NRCAM: variants seen among roughly 807,000 people sequenced by gnomAD.
The protein encoded by NRCAM is NgCAM-related cell adhesion molecule.
NRCAM carries 83 observed loss-of-function variants against 156.5 expected under a neutral mutation model. The ratio of observed to expected loss-of-function variants is 0.53; its 90% CI spans 0.44 to 0.64. NRCAM has a LOEUF of 0.64. Among genes scored for constraint, NRCAM ranks in the 30% least tolerant of loss-of-function variants. The pLI is 0.00. For missense variants in NRCAM, 1,417 were observed against 1,597.3 expected (o/e 0.89, Z 1.92); for synonymous variants, 538 against 563.9 (o/e 0.95, Z 0.65).
At chr7:108,301,373 G>T (rs1800586875) in intron 3 of NRCAM, among the ~76,000 whole-genome samples, 2 of 152,212 alleles carry the variant, frequency 1.3e-5, no homozygotes, top group African/African-American at 4.8e-5. Context: ...GTATTAAGTG[G>T]TTTTCCAGAA....
intron 1 of NRCAM, among the ~76,000 whole-genome samples, chr7:108,400,077 C>T (rs1397597243): frequency 6.6e-6 from 1 of 152,034 alleles, no homozygotes; most frequent in Non-Finnish European, 1.5e-5. Context: ...CTCAGCAATG[C>T]AATTAGTATT....
At chr7:108,163,611 T>G (rs907894419) in intron 30 of NRCAM, among the ~76,000 whole-genome samples, 2 of 151,966 alleles carry the variant, frequency 1.3e-5, no homozygotes, top group African/African-American at 2.4e-5. Flanking sequence ...AAATCCTTTG[T>G]GATGATAAGA....
intron 13 of NRCAM, among the ~76,000 whole-genome samples, chr7:108,205,617 G>A (rs879357325): frequency 1.5e-4 from 23 of 152,076 alleles, no homozygotes; most frequent in African/African-American, 5.1e-4. Context: ...TAGATCTCAG[G>A]GACACTTTTA....
intron 11 of NRCAM, among the ~76,000 whole-genome samples, chr7:108,215,409 G>T (rs1239382869): frequency 1.3e-5 from 2 of 151,784 alleles, no homozygotes; most frequent in Non-Finnish European, 2.9e-5. Context: ...TACAGATGGG[G>T]TTTCACCATG....
intron 11 of NRCAM, among the ~76,000 whole-genome samples, chr7:108,220,761 G>T (rs2091952529): frequency 6.6e-6 from 1 of 152,046 alleles, no homozygotes; most frequent in South Asian, 2.1e-4. Flanking sequence ...AATATCATAG[G>T]AAAACCCCTT....
At chr7:108,232,804 T>C (rs1171314473) in intron 6 of NRCAM, among the ~76,000 whole-genome samples, 2 of 152,052 alleles carry the variant, frequency 1.3e-5, no homozygotes, top group South Asian at 2.1e-4. Flanking sequence ...TCTAAGAAAA[T>C]AGAGGGAGCA....
chr7:108,323,446 T>A (rs2099026156), intron 2 of NRCAM, among the ~76,000 whole-genome samples: 2 of 152,216 alleles, frequency 1.3e-5, no homozygotes, highest in Admixed American at 1.3e-4. Context: ...CCAGGAAACA[T>A]GCCTATAAGT....
chr7:108,226,530 TAAAAAA>T (rs3078782), intron 8 of NRCAM, 152 bp from the exon 9 acceptor site: 973 of 393,824 alleles, frequency 2.5e-3, no homozygotes, highest in South Asian at 0.01. Flanking sequence ...CAAATAACTG[TAAAAAA>T]AAAAAAAAAA....
At chr7:108,181,294 TA>T (rs1276007989) in intron 24 of NRCAM, among the ~76,000 whole-genome samples, 1 of 151,966 alleles carries the variant, frequency 6.6e-6, no homozygotes, top group Non-Finnish European at 1.5e-5. Flanking sequence ...TGCCTATCAG[TA>T]AAAAATATGA....
At chr7:108,186,431 A>G (rs1329704030) in intron 20 of NRCAM, among the ~76,000 whole-genome samples, 2 of 152,156 alleles carry the variant, frequency 1.3e-5, no homozygotes, top group Non-Finnish European at 2.9e-5. Context: ...AAAATCTGGA[A>G]TCCTTCTTAT....
chr7:108,290,869 C>T (rs2098268081), intron 3 of NRCAM, among the ~76,000 whole-genome samples: 1 of 152,144 alleles, frequency 6.6e-6, no homozygotes, highest in Non-Finnish European at 1.5e-5. Context: ...AGCCTCAAAG[C>T]TCTGCAGCAC....
chr7:108,159,815 C>T (rs963581229), intron 31 of NRCAM, among the ~76,000 whole-genome samples: 4 of 152,026 alleles, frequency 2.6e-5, no homozygotes, highest in African/African-American at 9.7e-5. Flanking sequence ...CCCTATTTTA[C>T]CAATCTATTT....
chr7:108,185,576 G>A (rs2066171107), intron 20 of NRCAM, among the ~76,000 whole-genome samples: 1 of 151,994 alleles, frequency 6.6e-6, no homozygotes, highest in Non-Finnish European at 1.5e-5. Flanking sequence ...AAAGTTAACT[G>A]GGTGTGGTGG....
chr7:108,178,131 A>G lies in NRCAM; in HGVS notation c.2852-19T>C. 2 of 1,606,870 alleles carry G rather than the reference A, an allele frequency of 1.2e-6. No individual in the cohort carries two copies. The highest frequency in any genetic ancestry group is 1.7e-4 in the Middle Eastern group (1 of 5,992). On this transcript the variant is annotated intron_variant, in intron 25 of 32. Transcript: ENST00000379028. ...CTGGGGACTTACAGTGAGAACTTAC[A>G]GTCAACACAAAGATTTCTGAATGTT... is the stretch of plus-strand genomic sequence containing the variant.
chr7:108,154,147 G>A (rs2043399891), intron 32 of NRCAM, among the ~76,000 whole-genome samples: 1 of 152,126 alleles, frequency 6.6e-6, no homozygotes, highest in South Asian at 2.1e-4. Context: ...TAGAGAACTG[G>A]ACCTAGCAGA....
At chr7:108,355,659 G>A (rs1395118187) in intron 2 of NRCAM, among the ~76,000 whole-genome samples, 1 of 152,102 alleles carries the variant, frequency 6.6e-6, no homozygotes, top group Non-Finnish European at 1.5e-5. Context: ...ATCTCACCTG[G>A]CAAATGAGTC....
chr7:108,366,608 A>T (rs1261437241), intron 2 of NRCAM, among the ~76,000 whole-genome samples: 1 of 152,218 alleles, frequency 6.6e-6, no homozygotes, highest in African/African-American at 2.4e-5. Context: ...AACTTTTACG[A>T]CAAAGAGTTG....
At chr7:108,240,842 C>T (rs1216032807) in intron 3 of NRCAM, among the ~76,000 whole-genome samples, 3 of 152,220 alleles carry the variant, frequency 2.0e-5, no homozygotes, top group Non-Finnish European at 4.4e-5. Flanking sequence ...TTAAAAATCT[C>T]AGTGATCTGG....
At chr7:108,271,920 CA>C (rs1474896321) in intron 3 of NRCAM, among the ~76,000 whole-genome samples, 2 of 152,152 alleles carry the variant, frequency 1.3e-5, no homozygotes, top group East Asian at 3.8e-4. Flanking sequence ...TTAGCATAAA[CA>C]TAAGTCACTT....
Sources: allele counts gnomAD v4.1 joint callset (sites outside exome capture counted in the v4.1 genomes callset), GRCh38; gene constraint gnomAD v4.1.1; transcripts MANE v1.5; gene names NCBI Gene and HGNC (gene_info 2026-07-23, HGNC 2026-07-21).